The following SP2 variants were observed in gnomAD, a reference collection of about 807,000 sequenced individuals.
SP2 encodes transcription factor Sp2.
Under a neutral mutation model 50.1 loss-of-function variants are expected in SP2, and 9 were observed. The ratio of observed to expected loss-of-function variants is 0.18; its 90% confidence interval spans 0.11 to 0.31. The LOEUF (loss-of-function observed/expected upper bound fraction) is 0.31. SP2 is among the 10% of genes least tolerant of loss of function. The pLI, the probability that SP2 is intolerant of heterozygous loss-of-function variation, is 1.00. For missense variants in SP2, 581 were observed against 806.5 expected (o/e 0.72, Z 3.39); for synonymous variants, 313 against 326.6 (o/e 0.96, Z 0.45).
chr17:47,919,542 G>T (rs2035350935), intron 3 of SP2, among the ~76,000 whole-genome samples: 1 of 151,630 alleles, frequency 6.6e-6, no homozygotes, highest in Non-Finnish European at 1.5e-5. Flanking sequence ...TTTTTACAAA[G>T]AACTTTTTTC....
At chr17:47,899,120 A>G (rs1381102216) in intron 1 of SP2, 1 of 152,214 alleles carries the variant, frequency 6.6e-6, no homozygotes, top group African/African-American at 2.4e-5. Context: ...GTAGGAGGAA[A>G]AAAAGTTCTT....
At chr17:47,911,302 G>A (rs2034974063) in intron 1 of SP2, among the ~76,000 whole-genome samples, 1 of 152,156 alleles carries the variant, frequency 6.6e-6, no homozygotes, top group Admixed American at 6.5e-5. Flanking sequence ...AGCGCTTTGG[G>A]AGGCCAAGGT....
At chr17:47,901,931 G>T (rs1243964947) in intron 1 of SP2, among the ~76,000 whole-genome samples, 1 of 152,144 alleles carries the variant, frequency 6.6e-6, no homozygotes, top group Non-Finnish European at 1.5e-5. Flanking sequence ...AGGCAGAGAA[G>T]TCCCTGCCTT....
intron 3 of SP2, among the ~76,000 whole-genome samples, chr17:47,918,955 C>G (rs1174164480): frequency 6.6e-6 from 1 of 152,148 alleles, no homozygotes; most frequent in Non-Finnish European, 1.5e-5. Flanking sequence ...AAAATATTTA[C>G]TCTCCGGCCC....
chr17:47,914,042 A>G (rs962990660), intron 1 of SP2, among the ~76,000 whole-genome samples: 10 of 152,176 alleles, frequency 6.6e-5, no homozygotes, highest in African/African-American at 1.2e-4. Flanking sequence ...GGCCGTGCCT[A>G]TTGTACTATG....
intron 1 of SP2, chr17:47,897,679 A>C (rs775988258): frequency 9.0e-5 from 16 of 177,784 alleles, no homozygotes; most frequent in Non-Finnish European, 1.3e-4. Context: ...GCTGGCTCAC[A>C]GGCTGCAAAG....
intron 3 of SP2, among the ~76,000 whole-genome samples, chr17:47,920,838 A>C (rs1387330028): frequency 1.3e-5 from 2 of 152,162 alleles, no homozygotes; most frequent in Non-Finnish European, 2.9e-5. Context: ...CAATTCAGTG[A>C]TTTTTAGTAT....
intron 3 of SP2, among the ~76,000 whole-genome samples, chr17:47,920,467 T>C (rs2035407131): frequency 6.6e-6 from 1 of 151,972 alleles, no homozygotes; most frequent in Admixed American, 6.5e-5. Context: ...TTTGTATTTT[T>C]AGTAGAGATG....
In SP2 at chr17:47,916,632, G is replaced by A. The variant is rs149196682; in HGVS notation, c.561G>A (p.Ser187=). The A allele has an allele frequency of 5.5e-5, 88 of 1,613,960 alleles. No individual in the cohort carries two copies. The Admixed American group carries it at 7.5e-4, about 14-fold the overall frequency. The change falls in exon 3 of 7, where the codon TCG becomes TCA. Residue 187 remains serine (S), a synonymous_variant. Coordinates refer to ENST00000376741, the MANE Select transcript of SP2 (RefSeq NM_003110.6). This position sits in a 1 kb window ranked among gnomAD's most constrained non-coding sequence, Gnocchi z 4.7. ...TCAAGCCAGCCCCCATCCAGAAGTC[G>A]AGTACGACCACCACCCCCGTGCAGA... ...VPIKPAPIQK[S]STTTTPVQSG...
At chr17:47,896,446 G>A (rs1223690914) in intron 1 of SP2, 153 bp downstream of exon 1, 1 of 580,454 alleles carries the variant, frequency 1.7e-6, no homozygotes, top group Middle Eastern at 5.1e-4. Flanking sequence ...GGGGGAGGGA[G>A]GATTCCCGCC....
At position 47,925,553 on chromosome 17, in the gene SP2, G is replaced by A. The variant is rs761643707; in HGVS notation, c.1741+12G>A. On this transcript the variant is annotated intron_variant, in intron 6 of 6. Coordinates refer to ENST00000376741, the MANE Select transcript of SP2 (RefSeq NM_003110.6). ...TCGCACCCACACAGGTCAGCCCCCT[G>A]CCTTCGGGACCCTCCACCCACAGAG... The A allele has an allele frequency of 6.2e-7, 1 of 1,607,814 alleles. No individual in the cohort carries two copies. The highest frequency in any genetic ancestry group is 2.2e-5 in the East Asian group (1 of 44,776).
At chr17:47,903,932 C>T (rs1434229803) in intron 1 of SP2, among the ~76,000 whole-genome samples, 1 of 151,164 alleles carries the variant, frequency 6.6e-6, no homozygotes, top group Non-Finnish European at 1.5e-5. Context: ...CCACTGCACT[C>T]CAGCCTGGCA....
chr17:47,900,739 T>C (rs2034506459), intron 1 of SP2, among the ~76,000 whole-genome samples: 1 of 152,178 alleles, frequency 6.6e-6, no homozygotes, highest in African/African-American at 2.4e-5. Flanking sequence ...AGCGCACCAC[T>C]GCACCCCAGC....
At position 47,917,118 on chromosome 17, in the gene SP2, G is replaced by C. The variant is rs538528966; in HGVS notation, c.1047G>C (p.Pro349=). The change falls in exon 3 of 7, where the codon CCG becomes CCC. Residue 349 remains proline, a synonymous_variant. Transcript: ENST00000376741. ...ACTTTCAGATCCAGGCAGCTGAGCC[G>C]ACACCTACTCAGGTACCACACTCCC... ...SQNFQIQAAE[P]TPTQVYIRTP... 3.1e-6 allele frequency: 5 copies of C among 1,608,738 alleles called. No homozygotes were observed.
At chr17:47,922,735 G>A (rs953805492) in intron 3 of SP2, among the ~76,000 whole-genome samples, 10 of 152,170 alleles carry the variant, frequency 6.6e-5, no homozygotes, top group African/African-American at 2.4e-4. Context: ...TCCATGCTAA[G>A]TAAATTCAAC....
At position 47,928,812 on chromosome 17, in the gene SP2, AT is replaced by A. The variant is rs1287957957; in HGVS notation, c.*993del. 1 of 151,102 alleles carries A rather than the reference AT, an allele frequency of 6.6e-6. No individual in the cohort carries two copies. Among genetic ancestry groups the A allele is most frequent in the African/African-American group, 2.5e-5 (1 of 40,498 alleles). 9.4% of individuals were successfully genotyped at this position (151,102 alleles called of 1,614,324 possible). A position where few individuals can be genotyped will look rare whatever the true frequency, so the allele number is the denominator to read the frequency against. On this transcript the variant is annotated 3_prime_UTR_variant, in exon 7 of 7. Coordinates refer to ENST00000376741, the MANE Select transcript of SP2 (RefSeq NM_003110.6). ...TTAAATTAAACAAAAATCCAACTTT[AT>A]TTTTAGTTGTAACTGCTTGAGGTAT...
chr17:47,930,854 T>C (rs953817044), downstream of SP2, among the ~76,000 whole-genome samples: 2 of 152,164 alleles, frequency 1.3e-5, no homozygotes, highest in African/African-American at 4.8e-5. Context: ...CCTTCCTCTC[T>C]GTCCAGCTGA....
At chr17:47,901,900 A>G (rs921252162) in intron 1 of SP2, among the ~76,000 whole-genome samples, 3 of 152,312 alleles carry the variant, frequency 2.0e-5, no homozygotes, top group Middle Eastern at 3.4e-3. Context: ...TGTGCCAGGG[A>G]CTGGGATACA....
intron 1 of SP2, among the ~76,000 whole-genome samples, chr17:47,906,173 G>A (rs2143829288): frequency 6.6e-6 from 1 of 152,360 alleles, no homozygotes; most frequent in South Asian, 2.1e-4. Flanking sequence ...GCCGTAGGCA[G>A]TATCTCAGGT....
Sources: gnomAD v4.1 joint callset for allele counts (sites outside exome capture counted in the v4.1 genomes callset) on GRCh38, gnomAD v4.1.1 for gene constraint, Gnocchi (gnomAD v3.1) non-coding constraint, MANE v1.5 for transcripts, NCBI Gene and HGNC (gene_info 2026-07-23, HGNC 2026-07-21) for gene names.